The following CRIM1 variants were observed in gnomAD, a reference collection of about 807,000 sequenced individuals.
CRIM1 encodes the protein cysteine-rich motor neuron 1 protein.
In CRIM1, 32 loss-of-function variants were observed where a neutral mutation model predicts 116.4. The observed-to-expected ratio is 0.27, with a 90% CI of 0.21 to 0.37. CRIM1 has a LOEUF of 0.37. CRIM1 is among the 10% of genes least tolerant of loss of function. The pLI is 1.00. For synonymous variants in CRIM1, 590 were observed against 509.2 expected (o/e 1.16, Z -2.13); for missense variants, 1,331 against 1,354.8 (o/e 0.98, Z 0.28).
In CRIM1 at chr2:36,460,003, C is replaced by T. The variant is rs114908769; in HGVS notation, c.870-4531C>T. ...ACCGCCCTTCAGTCAGCAGAACCTCCTAAGGGGGTGAGTGCCCTCTAGGGG... is the reference window on the plus strand; with the variant it reads ...ACCGCCCTTCAGTCAGCAGAACCTCTTAAGGGGGTGAGTGCCCTCTAGGGG... On this transcript the variant is annotated intron_variant, in intron 4 of 16. Coordinates refer to ENST00000280527, the MANE Select transcript of CRIM1 (RefSeq NM_016441.3). Among the ~76,000 whole-genome samples, 1,292 of 152,140 alleles carry T rather than the reference C, an allele frequency of 8.5e-3. 18 individuals are homozygous for T. Among genetic ancestry groups the T allele is most frequent in the African/African-American group, 0.03 (1,245 of 41,522 alleles).
At chr2:36,358,349 G>C (rs961889514) in intron 1 of CRIM1, among the ~76,000 whole-genome samples, 2 of 152,198 alleles carry the variant, frequency 1.3e-5, no homozygotes, top group African/African-American at 2.4e-5. Flanking sequence ...CCGGCCTCTC[G>C]TAAATCTGAA....
At chr2:36,490,983 C>G (rs182697700) in intron 7 of CRIM1, among the ~76,000 whole-genome samples, 74 of 152,260 alleles carry the variant, frequency 4.9e-4, no homozygotes, top group African/African-American at 1.7e-3. Flanking sequence ...CTAATTAAGC[C>G]GGTTGTCAAT....
intron 13 of CRIM1, among the ~76,000 whole-genome samples, chr2:36,529,927 A>C (rs201208075): frequency 6.6e-6 from 1 of 152,218 alleles, no homozygotes; most frequent in East Asian, 1.9e-4. Flanking sequence ...ACTGTGGCCA[A>C]ATCTGCTTTC....
At chr2:36,418,252 C>A (rs1572687583) in intron 2 of CRIM1, among the ~76,000 whole-genome samples, 1 of 152,168 alleles carries the variant, frequency 6.6e-6, no homozygotes, top group Non-Finnish European at 1.5e-5. Context: ...CCCCAGGTAA[C>A]ACGACAGACT....
chr2:36,543,909 A>G lies in CRIM1; in HGVS notation c.2624-467A>G, dbSNP rs527287489. Among the ~76,000 whole-genome samples the G allele has an allele frequency of 4.6e-5, 7 of 152,282 alleles. No individual in the cohort carries two copies. The South Asian group carries it at 1.2e-3, about 27-fold the overall frequency. ...TCCATTCCCATTTAGGGGAAGAGAA[A>G]GGAGAGGAAATGGCCAAGAAGTCCA... is the stretch of plus-strand genomic sequence containing the variant. On this transcript the variant is annotated intron_variant, in intron 14 of 16. Transcript: ENST00000280527.
chr2:36,400,339 G>C (rs1434657087), intron 2 of CRIM1, among the ~76,000 whole-genome samples: 2 of 134,416 alleles, frequency 1.5e-5, no homozygotes, highest in Non-Finnish European at 3.1e-5. Flanking sequence ...GATTGAAGAG[G>C]GGTGAAGAAC....
intron 4 of CRIM1, among the ~76,000 whole-genome samples, chr2:36,448,128 A>G (rs1029160842): frequency 5.9e-5 from 9 of 152,226 alleles, no homozygotes; most frequent in African/African-American, 1.9e-4. Flanking sequence ...GTTTTCTCCC[A>G]TCATACAAAA....
chr2:36,527,620 G>A (rs1228280384), intron 13 of CRIM1, among the ~76,000 whole-genome samples: 1 of 152,062 alleles, frequency 6.6e-6, no homozygotes, highest in Non-Finnish European at 1.5e-5. Context: ...CTTTTGCTTA[G>A]ATTTCTGTTT....
chr2:36,463,792 A>G lies in CRIM1; in HGVS notation c.870-742A>G, dbSNP rs573323116. The stretch of plus-strand genomic sequence containing the variant: ...AGCCAGCACAGCCAGCTTGCAGCTC[A>G]TGGAACACCCCCATTCATGCGTGCA... On this transcript the variant is annotated intron_variant, in intron 4 of 16. Coordinates refer to ENST00000280527, the MANE Select transcript of CRIM1 (RefSeq NM_016441.3). Among the ~76,000 whole-genome samples, 21 of 152,330 alleles carry G rather than the reference A, an allele frequency of 1.4e-4. No individual in the cohort carries two copies. In the South Asian group the frequency reaches 4.4e-3, roughly 32 times the overall value.
At chr2:36,473,763 T>G (rs775096935) in intron 5 of CRIM1, among the ~76,000 whole-genome samples, 21 of 152,362 alleles carry the variant, frequency 1.4e-4, no homozygotes, top group Non-Finnish European at 2.6e-4. Context: ...TTTTTGTTTA[T>G]ATATCAGTTA....
chr2:36,406,824 C>G (rs1228328214), intron 2 of CRIM1, among the ~76,000 whole-genome samples: 1 of 152,158 alleles, frequency 6.6e-6, no homozygotes, highest in Non-Finnish European at 1.5e-5. Flanking sequence ...AGGCTAGTTA[C>G]ATCTGAAAGT....
At chr2:36,491,468 A>C (rs1460239853) in intron 7 of CRIM1, among the ~76,000 whole-genome samples, 1 of 152,220 alleles carries the variant, frequency 6.6e-6, no homozygotes, top group Non-Finnish European at 1.5e-5. Context: ...GTGGACCCTA[A>C]GGAACTTACT....
At chr2:36,509,658 A>T (rs1336834181) in intron 8 of CRIM1, among the ~76,000 whole-genome samples, 1 of 152,244 alleles carries the variant, frequency 6.6e-6, no homozygotes, top group Non-Finnish European at 1.5e-5. Flanking sequence ...AGTGATTTAT[A>T]AAGTTCATGG....
chr2:36,550,020 G>GATGTGTGTGTGAGAGTATGT lies in CRIM1; in HGVS notation c.*1331_*1350dup, dbSNP rs1353210572. ...ATTCTACCTGCAGTTTAATTGGAAAGATGTGTGTGTGAGAGTATGTATGTG... is the reference window on the plus strand; with the variant it reads ...ATTCTACCTGCAGTTTAATTGGAAAGATGTGTGTGTGAGAGTATGTATGTGTGTGTGAGAGTATGTATGTG... On this transcript the variant is annotated 3_prime_UTR_variant, in exon 17 of 17. Transcript: ENST00000280527. The GATGTGTGTGTGAGAGTATGT allele has an allele frequency of 6.6e-6, 1 of 151,350 alleles. No homozygotes were observed. Among genetic ancestry groups the GATGTGTGTGTGAGAGTATGT allele is most frequent in the Non-Finnish European group, 1.5e-5 (1 of 67,894 alleles). 9.4% of individuals were successfully genotyped at this position (151,350 alleles called of 1,614,324 possible).
intron 7 of CRIM1, among the ~76,000 whole-genome samples, chr2:36,480,840 C>T (rs1290136290): frequency 6.6e-6 from 1 of 152,120 alleles, no homozygotes; most frequent in Non-Finnish European, 1.5e-5. Context: ...AAGTCACCCA[C>T]CCCTGCATGT....
intron 5 of CRIM1, among the ~76,000 whole-genome samples, chr2:36,469,245 C>T (rs905632236): frequency 6.6e-6 from 1 of 152,052 alleles, no homozygotes; most frequent in African/African-American, 2.4e-5. Context: ...CACAACTAGC[C>T]AAAAGCAACT....
chr2:36,503,326 C>T (rs1681133498), intron 8 of CRIM1, among the ~76,000 whole-genome samples: 1 of 152,194 alleles, frequency 6.6e-6, no homozygotes, highest in Non-Finnish European at 1.5e-5. Flanking sequence ...AGGCAAGTTG[C>T]TTTACTTCTT....
intron 1 of CRIM1, among the ~76,000 whole-genome samples, chr2:36,358,686 T>A (rs928228271): frequency 6.6e-6 from 1 of 152,198 alleles, no homozygotes; most frequent in Non-Finnish European, 1.5e-5. Context: ...CATGATTATA[T>A]CTCAATTAGT....
intron 2 of CRIM1, among the ~76,000 whole-genome samples, chr2:36,414,818 G>A (rs974650096): frequency 1.3e-5 from 2 of 152,184 alleles, no homozygotes; most frequent in Admixed American, 1.3e-4. Context: ...AGAGGAAGCT[G>A]GAGAGGCAGG....
Sources: allele counts gnomAD v4.1 joint callset (sites outside exome capture counted in the v4.1 genomes callset), GRCh38; gene constraint gnomAD v4.1.1; transcripts MANE v1.5; gene names NCBI Gene and HGNC (gene_info 2026-07-23, HGNC 2026-07-21).